TRHDE: variants seen among roughly 807,000 people sequenced by gnomAD.
TRHDE encodes thyrotropin releasing hormone degrading enzyme, also known as thyrotropin-releasing hormone-degrading ectoenzyme.
TRHDE carries 72 observed loss-of-function variants against 125.7 expected under a neutral mutation model. The observed-to-expected ratio is 0.57, with a 90% CI of 0.47 to 0.70. The LOEUF is 0.70. Among genes scored for constraint, TRHDE ranks in the 30% least tolerant of loss-of-function variants. TRHDE has a pLI of 0.00. For missense variants in TRHDE, 1,110 were observed against 1,327.1 expected (o/e 0.84, Z 2.54); for synonymous variants, 509 against 509.1 (o/e 1.00, Z 0.00).
At chr12:72,440,325 A>G (rs957200465) in intron 3 of TRHDE, among the ~76,000 whole-genome samples, 10 of 151,808 alleles carry the variant, frequency 6.6e-5, no homozygotes, top group Non-Finnish European at 1.3e-4. Flanking sequence ...TTCTTTAAAC[A>G]TTTTACATAA....
intron 7 of TRHDE, among the ~76,000 whole-genome samples, chr12:72,554,288 T>C (rs1869819325): frequency 1.3e-5 from 2 of 152,210 alleles, no homozygotes; most frequent in Non-Finnish European, 2.9e-5. Context: ...GGATTCTTTA[T>C]GTGGCTGGTA....
intron 2 of TRHDE, among the ~76,000 whole-genome samples, chr12:72,238,986 G>T (rs1015009693): frequency 1.3e-5 from 2 of 152,142 alleles, no homozygotes; most frequent in Admixed American, 1.3e-4. Flanking sequence ...CACAATGGTT[G>T]AACTAATTTA....
chr12:72,315,888 G>A (rs1440045912), intron 2 of TRHDE, among the ~76,000 whole-genome samples: 2 of 152,268 alleles, frequency 1.3e-5, no homozygotes, highest in Non-Finnish European at 1.5e-5. Flanking sequence ...TGGAATTATG[G>A]TTACTTTAAA....
At chr12:72,537,697 C>T (rs544428715) in intron 6 of TRHDE, among the ~76,000 whole-genome samples, 1 of 152,174 alleles carries the variant, frequency 6.6e-6, no homozygotes, top group Admixed American at 6.6e-5. Context: ...TTCAAACCTA[C>T]TTCCAGTCTT....
chr12:72,210,122 T>C, intron 2 of TRHDE, among the ~76,000 whole-genome samples: 1 of 152,288 alleles, frequency 6.6e-6, no homozygotes, highest in Middle Eastern at 3.4e-3. Context: ...TTTTTAAATA[T>C]GAGCTTTGTA....
intron 6 of TRHDE, among the ~76,000 whole-genome samples, chr12:72,500,495 G>A (rs1878102940): frequency 6.6e-6 from 1 of 152,048 alleles, no homozygotes; most frequent in South Asian, 2.1e-4. Context: ...GGGTTCAAGT[G>A]ATTCTCCTGC....
At chr12:72,468,940 A>T (rs1272483350) in intron 3 of TRHDE, among the ~76,000 whole-genome samples, 5 of 152,192 alleles carry the variant, frequency 3.3e-5, no homozygotes, top group African/African-American at 1.2e-4. Context: ...GAGCAGAGGG[A>T]GTACATCGAA....
intron 2 of TRHDE, among the ~76,000 whole-genome samples, chr12:72,328,549 G>A (rs1449959675): frequency 6.6e-6 from 1 of 151,922 alleles, no homozygotes; most frequent in East Asian, 1.9e-4. Flanking sequence ...TTTATGATTG[G>A]GGGCCTTTGT....
At chr12:72,526,312 T>C (rs1356214242) in intron 6 of TRHDE, among the ~76,000 whole-genome samples, 1 of 152,130 alleles carries the variant, frequency 6.6e-6, no homozygotes, top group African/African-American at 2.4e-5. Context: ...TTACACATTT[T>C]TCAGATAATT....
intron 1 of TRHDE, among the ~76,000 whole-genome samples, chr12:72,103,138 C>G (rs1262214526): frequency 6.6e-6 from 1 of 152,172 alleles, no homozygotes; most frequent in South Asian, 2.1e-4. Context: ...CAGTCTGAGA[C>G]ACAATTTGAA....
chr12:72,374,965 A>G (rs1014035809), intron 2 of TRHDE, among the ~76,000 whole-genome samples: 9 of 152,188 alleles, frequency 5.9e-5, no homozygotes, highest in African/African-American at 2.2e-4. Context: ...AAACTCTTTC[A>G]AGGAGCATTA....
intron 2 of TRHDE, among the ~76,000 whole-genome samples, chr12:72,224,166 GTATCTATC>G (rs368211232): frequency 5.2e-4 from 33 of 62,976 alleles, no homozygotes; most frequent in East Asian, 1.5e-3. Flanking sequence ...ATGTATGTAT[GTATCTATC>G]TATCTATCTA....
At chr12:72,607,822 G>A (rs765390919) in intron 12 of TRHDE, among the ~76,000 whole-genome samples, 1 of 152,030 alleles carries the variant, frequency 6.6e-6, no homozygotes, top group Non-Finnish European at 1.5e-5. Context: ...TTTTTTGGCT[G>A]CTCTTTTAAA....
chr12:72,188,551 G>A (rs1877274212), intron 2 of TRHDE, among the ~76,000 whole-genome samples: 1 of 152,196 alleles, frequency 6.6e-6, no homozygotes, highest in Non-Finnish European at 1.5e-5. Flanking sequence ...ATTAATGGGA[G>A]AGAGTGGCCG....
At chr12:72,348,976 T>C (rs1451291871) in intron 2 of TRHDE, among the ~76,000 whole-genome samples, 3 of 152,018 alleles carry the variant, frequency 2.0e-5, no homozygotes, top group African/African-American at 4.8e-5. Flanking sequence ...TCATGGTTAA[T>C]GGATTTTGCT....
At chr12:72,617,689 A>G (rs1034763242) in intron 12 of TRHDE, among the ~76,000 whole-genome samples, 1 of 152,158 alleles carries the variant, frequency 6.6e-6, no homozygotes, top group East Asian at 1.9e-4. Context: ...ATTTGGGAAC[A>G]ATAGAAATTT....
At chr12:72,660,451 G>A (rs984709047) in intron 18 of TRHDE, among the ~76,000 whole-genome samples, 1 of 152,044 alleles carries the variant, frequency 6.6e-6, no homozygotes, top group African/African-American at 2.4e-5. Context: ...GATAAGGAAC[G>A]GGTGCCTTCC....
chr12:72,647,428 C>A (rs1874325623), intron 15 of TRHDE, among the ~76,000 whole-genome samples: 1 of 151,512 alleles, frequency 6.6e-6, no homozygotes, highest in South Asian at 2.1e-4. Context: ...ACAAACTATC[C>A]ACATAGTTAG....
chr12:72,600,573 C>G (rs1455108855), intron 12 of TRHDE, among the ~76,000 whole-genome samples: 1 of 151,970 alleles, frequency 6.6e-6, no homozygotes, highest in Non-Finnish European at 1.5e-5. Flanking sequence ...TATAGAAATA[C>G]TACCAAGTTG....
Sources: gnomAD v4.1 joint callset for allele counts (sites outside exome capture counted in the v4.1 genomes callset) on GRCh38, gnomAD v4.1.1 for gene constraint, MANE v1.5 for transcripts, NCBI Gene and HGNC (gene_info 2026-07-23, HGNC 2026-07-21) for gene names.